The following DNAH9 variants were observed in gnomAD, a reference collection of about 807,000 sequenced individuals.
DNAH9 encodes the protein DNAH9 variant protein.
A neutral mutation model predicts 471.6 loss-of-function variants in DNAH9; 345 were observed. That is an observed-to-expected ratio of 0.73 (90% CI 0.67 to 0.80). The LOEUF (loss-of-function observed/expected upper bound fraction) is 0.80. Among genes scored for constraint, DNAH9 ranks in the 30% least tolerant of loss-of-function variants. The probability of loss-of-function intolerance (pLI) is 0.00; values close to 1 mark genes in which losing one functional copy is unlikely to be tolerated. For synonymous variants in DNAH9, 2,093 were observed against 2,123.6 expected (o/e 0.99, Z 0.40); for missense variants, 5,407 against 5,609.2 (o/e 0.96, Z 1.15).
chr17:11,756,461 A>T, intron 33 of DNAH9, 107 bp from the exon 34 acceptor site: 2 of 714,930 alleles, frequency 2.8e-6, no homozygotes, highest in Non-Finnish European at 5.0e-6. Flanking sequence ...TAAAGGAAAT[A>T]ATTCTCCATA....
At chr17:11,811,466 C>A (rs1055828110) in intron 45 of DNAH9, among the ~76,000 whole-genome samples, 1 of 152,130 alleles carries the variant, frequency 6.6e-6, no homozygotes, top group African/African-American at 2.4e-5. Context: ...GCAGCTCTAC[C>A]GTAATTACTT....
At chr17:11,756,224 C>G (rs962791248) in intron 33 of DNAH9, among the ~76,000 whole-genome samples, 13 of 151,156 alleles carry the variant, frequency 8.6e-5, no homozygotes, top group African/African-American at 2.9e-4. Flanking sequence ...TTGCAGTGAG[C>G]CAAGATTGTG....
At chr17:11,874,758 A>G (rs1006643635) in intron 52 of DNAH9, among the ~76,000 whole-genome samples, 191 bp from the exon 53 acceptor site, 20 of 51,698 alleles carry the variant, frequency 3.9e-4, no homozygotes, top group Non-Finnish European at 9.5e-4. Flanking sequence ...CATGGAGGGG[A>G]AAAAAAAAAG....
At chr17:11,942,896 CTTTTTTT>C (rs71142257) in intron 67 of DNAH9, among the ~76,000 whole-genome samples, 2 of 127,916 alleles carry the variant, frequency 1.6e-5, no homozygotes, top group African/African-American at 5.9e-5. Context: ...CTTGTTTTTT[CTTTTTTT>C]TTTTTTTTTT....
intron 49 of DNAH9, among the ~76,000 whole-genome samples, chr17:11,843,867 A>G (rs200545086): frequency 0.026 from 1,389 of 54,134 alleles, 23 homozygotes; most frequent in East Asian, 0.079. Flanking sequence ...GTGTGTGTAT[A>G]TATATATATA....
intron 49 of DNAH9, among the ~76,000 whole-genome samples, chr17:11,850,668 G>A (rs928585927): frequency 2.4e-5 from 3 of 123,838 alleles, no homozygotes; most frequent in African/African-American, 8.6e-5. Context: ...AAAAAAAAAA[G>A]TTTCTTCCAG....
chr17:11,645,208 T>C (rs997423506), intron 11 of DNAH9, among the ~76,000 whole-genome samples: 1 of 152,228 alleles, frequency 6.6e-6, no homozygotes, highest in Admixed American at 6.5e-5. Flanking sequence ...CTTCTGCCAT[T>C]TGTTCTTTCT....
At chr17:11,934,507 G>A (rs1459389811) in intron 65 of DNAH9, among the ~76,000 whole-genome samples, 7 of 141,392 alleles carry the variant, frequency 5.0e-5, no homozygotes, top group South Asian at 2.2e-4. Flanking sequence ...GTGCAGTGGC[G>A]CTATCTCTGC....
At chr17:11,701,679 T>G (rs1454619983) in intron 24 of DNAH9, among the ~76,000 whole-genome samples, 1 of 145,538 alleles carries the variant, frequency 6.9e-6, no homozygotes, top group Non-Finnish European at 1.6e-5. Flanking sequence ...TTTTGTTTTG[T>G]TTTTTGTTTG....
chr17:11,661,318 A>G (rs909522481), intron 14 of DNAH9, among the ~76,000 whole-genome samples: 26 of 151,736 alleles, frequency 1.7e-4, no homozygotes, highest in African/African-American at 6.1e-4. Flanking sequence ...TGTTTCTTGG[A>G]TTGAAATTTC....
Position 11,880,232 on chromosome 17 carries a change from G to C in DNAH9, c.10601+32G>C, listed in dbSNP as rs200856608. Reference sequence around the variant, plus strand: ...CTCAGCTGTGTTGCTGACCCTTCGGGGGGAGCTGGTTCATGGCCCTGGTTA... The same window carrying C: ...CTCAGCTGTGTTGCTGACCCTTCGGCGGGAGCTGGTTCATGGCCCTGGTTA... On this transcript the variant is annotated intron_variant, in intron 54 of 68. Transcript: ENST00000262442. The C allele has an allele frequency of 2.5e-5, 40 of 1,608,794 alleles. No homozygotes were observed. In the African/African-American group the frequency reaches 3.9e-4, roughly 16 times the overall value.
intron 49 of DNAH9, among the ~76,000 whole-genome samples, chr17:11,836,454 G>T (rs1970853562): frequency 6.6e-6 from 1 of 152,154 alleles, no homozygotes; most frequent in African/African-American, 2.4e-5. Context: ...TCTTAAATGA[G>T]CCTCTACTGC....
chr17:11,964,913 G>A (rs1318481057), intron 68 of DNAH9, among the ~76,000 whole-genome samples: 2 of 151,944 alleles, frequency 1.3e-5, no homozygotes, highest in Non-Finnish European at 1.5e-5. Context: ...GGACTCACAA[G>A]TCTTTATCTC....
At chr17:11,926,065 T>TG (rs373652804) in intron 62 of DNAH9, among the ~76,000 whole-genome samples, 115 of 84,892 alleles carry the variant, frequency 1.4e-3, no homozygotes, top group Admixed American at 7.0e-3. Flanking sequence ...AAAAAAAAGC[T>TG]GGGGGGGGAG....
chr17:11,939,807 CATGGATGGATGGATGG>C (rs57669174), intron 66 of DNAH9, among the ~76,000 whole-genome samples: 1 of 147,170 alleles, frequency 6.8e-6, no homozygotes, highest in African/African-American at 2.5e-5. Flanking sequence ...ATGTTAGATA[CATGGATGGATGGATGG>C]ATGGATGGAT....
chr17:11,693,818 T>G (rs956860943), intron 20 of DNAH9, 50 bp from the exon 21 acceptor site: 3 of 1,610,330 alleles, frequency 1.9e-6, no homozygotes, highest in Non-Finnish European at 2.5e-6. Flanking sequence ...AGGGAGCTTC[T>G]AGGAACTGAG....
intron 25 of DNAH9, among the ~76,000 whole-genome samples, 159 bp from the exon 26 acceptor site, chr17:11,704,866 A>C (rs1052797334): frequency 1.3e-5 from 2 of 152,136 alleles, no homozygotes; most frequent in Non-Finnish European, 1.5e-5. Flanking sequence ...AGAACCCTGT[A>C]ATCAGAGCAG....
chr17:11,674,110 C>T lies in DNAH9; in HGVS notation c.3353+4316C>T, dbSNP rs146625485. On this transcript the variant is annotated intron_variant, in intron 17 of 68. Transcript: ENST00000262442. ...ATGTACCACAATGTATCTGTCCATT[C>T]CATAGTTGTTGAACATTTGGGTTGT... Among the ~76,000 whole-genome samples the T allele has an allele frequency of 1.1e-4, 16 of 152,278 alleles. No individual in the cohort carries two copies. In the East Asian group the frequency reaches 3.1e-3, roughly 29 times the overall value.
rs71142247 is a variant in DNAH9, at chr17:11,798,432, CAAAAAAAAA to C, written c.8420+657_8420+665del. 4.9e-3 allele frequency among the ~76,000 whole-genome samples: 304 copies of C among 61,616 alleles called. 3 individuals are homozygous for C. The highest frequency in any genetic ancestry group is 0.014 in the African/African-American group (222 of 15,914). 40.4% of individuals were successfully genotyped at this position (61,616 alleles called of 152,430 possible). ...TGGGCGACAGAGCAAGACTCTGCCT[CAAAAAAAAA>C]AAAAAAAAAAAAAAAAAGAGAGAGA... On this transcript the variant is annotated intron_variant, in intron 43 of 68. Transcript: ENST00000262442.
Sources: allele counts gnomAD v4.1 joint callset (sites outside exome capture counted in the v4.1 genomes callset), GRCh38; gene constraint gnomAD v4.1.1; transcripts MANE v1.5; gene names NCBI Gene and HGNC (gene_info 2026-07-23, HGNC 2026-07-21).